LRRTM4: variants seen among roughly 807,000 people sequenced by gnomAD.
LRRTM4 encodes the protein leucine-rich repeat transmembrane neuronal protein 4.
Under a neutral mutation model 47.6 loss-of-function variants are expected in LRRTM4, and 25 were observed. That is an observed-to-expected ratio of 0.53 (90% CI 0.38 to 0.73). The LOEUF is 0.73. LRRTM4 is among the 30% of genes least tolerant of loss of function. The pLI, the probability that LRRTM4 is intolerant of heterozygous loss-of-function variation, is 0.00. For missense variants in LRRTM4, 638 were observed against 713.4 expected (o/e 0.89, Z 1.20); for synonymous variants, 311 against 269.5 (o/e 1.15, Z -1.51).
intron 3 of LRRTM4, among the ~76,000 whole-genome samples, chr2:76,858,495 C>G (rs918686461): frequency 6.6e-6 from 1 of 152,042 alleles, no homozygotes; most frequent in Non-Finnish European, 1.5e-5. Flanking sequence ...CCTAGGTCCT[C>G]GGGGAGGAGT....
chr2:76,782,641 T>G (rs1230477548), intron 3 of LRRTM4, among the ~76,000 whole-genome samples: 1 of 152,194 alleles, frequency 6.6e-6, no homozygotes, highest in Non-Finnish European at 1.5e-5. Flanking sequence ...GGTCTGTGCT[T>G]TTTTGCTTAC....
At chr2:77,058,980 C>T (rs1679697639) in intron 3 of LRRTM4, among the ~76,000 whole-genome samples, 1 of 151,926 alleles carries the variant, frequency 6.6e-6, no homozygotes, top group Non-Finnish European at 1.5e-5. Context: ...TTGAAATAAC[C>T]AATTTCTAAG....
chr2:77,276,441 A>AC (rs1676356518), intron 3 of LRRTM4, among the ~76,000 whole-genome samples: 1 of 150,696 alleles, frequency 6.6e-6, no homozygotes, highest in African/African-American at 2.4e-5. Context: ...AGGAAGAAAA[A>AC]AGAAAGGAAA....
chr2:77,396,984 A>C (rs1052256454), intron 3 of LRRTM4, among the ~76,000 whole-genome samples: 1 of 151,924 alleles, frequency 6.6e-6, no homozygotes, highest in Non-Finnish European at 1.5e-5. Context: ...GCAGCAAGAC[A>C]CGATTAACAG....
chr2:77,278,442 C>G (rs1485539303), intron 3 of LRRTM4, among the ~76,000 whole-genome samples: 1 of 151,722 alleles, frequency 6.6e-6, no homozygotes, highest in Non-Finnish European at 1.5e-5. Flanking sequence ...TTGATCAGTA[C>G]TTTTAAATAT....
intron 3 of LRRTM4, among the ~76,000 whole-genome samples, chr2:77,179,845 CA>C (rs1185368684): frequency 2.0e-5 from 3 of 151,986 alleles, no homozygotes; most frequent in Admixed American, 1.3e-4. Flanking sequence ...CTTTAAATCG[CA>C]AATTTCTCTG....
In LRRTM4 at chr2:77,489,717, C is replaced by T. The variant is rs577893598; in HGVS notation, c.1551+28601G>A. 2.8e-4 allele frequency among the ~76,000 whole-genome samples: 42 copies of T among 152,256 alleles called. No individual in the cohort carries two copies. The South Asian group carries it at 8.5e-3, about 31-fold the overall frequency. On this transcript the variant is annotated intron_variant, in intron 3 of 3. Transcript: ENST00000409884. ...CTGGACAGACCAATGTGACAAAACCCATTATTACAAAACCTAATATTAGAG... is the reference window on the plus strand; with the variant it reads ...CTGGACAGACCAATGTGACAAAACCTATTATTACAAAACCTAATATTAGAG...
At chr2:77,042,767 T>A (rs1679080544) in intron 3 of LRRTM4, among the ~76,000 whole-genome samples, 1 of 151,722 alleles carries the variant, frequency 6.6e-6, no homozygotes, top group African/African-American at 2.4e-5. Context: ...GCTAGAACTG[T>A]GATGGTGTAA....
chr2:76,752,847 C>G (rs192452372), intron 3 of LRRTM4, among the ~76,000 whole-genome samples: 10 of 152,180 alleles, frequency 6.6e-5, no homozygotes, highest in Non-Finnish European at 1.5e-4. Flanking sequence ...GTTCTCAGAG[C>G]CTCTCCAAAT....
intron 3 of LRRTM4, among the ~76,000 whole-genome samples, chr2:77,449,521 A>C (rs113449627): frequency 0.025 from 3,867 of 152,242 alleles, 177 homozygotes; most frequent in African/African-American, 0.089. Context: ...AAGCATTCCC[A>C]AAGTTATAGA....
At chr2:77,086,476 ATTTTTTT>A (rs762359320) in intron 3 of LRRTM4, among the ~76,000 whole-genome samples, 1 of 131,154 alleles carries the variant, frequency 7.6e-6, no homozygotes, top group Admixed American at 7.8e-5. Flanking sequence ...ACATATAATA[ATTTTTTT>A]TTTTTTTTTT....
chr2:77,226,220 G>A (rs185744512), intron 3 of LRRTM4, among the ~76,000 whole-genome samples: 1 of 151,828 alleles, frequency 6.6e-6, no homozygotes, highest in East Asian at 1.9e-4. Flanking sequence ...TTCAAACAAA[G>A]CAGCCTATTA....
chr2:77,370,523 T>A (rs937412243), intron 3 of LRRTM4, among the ~76,000 whole-genome samples: 2 of 151,682 alleles, frequency 1.3e-5, no homozygotes, highest in Non-Finnish European at 3.0e-5. Flanking sequence ...AATGAGAGAA[T>A]ATTTATATGG....
At chr2:77,008,925 T>C (rs942196539) in intron 3 of LRRTM4, 7 of 145,572 alleles carry the variant, frequency 4.8e-5, no homozygotes, top group African/African-American at 1.3e-4. Context: ...TCAAGCCATA[T>C]TGGAGCCAAC....
At chr2:77,463,431 C>T (rs1461635748) in intron 3 of LRRTM4, among the ~76,000 whole-genome samples, 5 of 151,968 alleles carry the variant, frequency 3.3e-5, no homozygotes, top group Non-Finnish European at 7.4e-5. Flanking sequence ...ATTCTTTTTA[C>T]CCAGTAAATC....
intron 3 of LRRTM4, among the ~76,000 whole-genome samples, chr2:77,153,244 AG>A (rs1672476435): frequency 6.6e-6 from 1 of 152,158 alleles, no homozygotes; most frequent in Non-Finnish European, 1.5e-5. Flanking sequence ...TGTACTTAAT[AG>A]TCATCTGTGT....
chr2:77,031,008 A>G (rs1455462660), intron 3 of LRRTM4, among the ~76,000 whole-genome samples: 1 of 152,184 alleles, frequency 6.6e-6, no homozygotes, highest in African/African-American at 2.4e-5. Flanking sequence ...AGTGGGATTT[A>G]TCTTTTTCTT....
intron 3 of LRRTM4, among the ~76,000 whole-genome samples, chr2:77,271,708 G>A (rs1676201995): frequency 1.3e-5 from 2 of 152,154 alleles, no homozygotes; most frequent in Non-Finnish European, 2.9e-5. Flanking sequence ...TCAGATTAAA[G>A]TTTCTATATT....
intron 3 of LRRTM4, among the ~76,000 whole-genome samples, chr2:77,195,577 T>C (rs1051205503): frequency 6.6e-6 from 1 of 152,132 alleles, no homozygotes; most frequent in Non-Finnish European, 1.5e-5. Context: ...TGTAAATATG[T>C]ATAATGGTAA....
Sources: allele counts gnomAD v4.1 joint callset (sites outside exome capture counted in the v4.1 genomes callset), GRCh38; gene constraint gnomAD v4.1.1; transcripts MANE v1.5; gene names NCBI Gene and HGNC (gene_info 2026-07-23, HGNC 2026-07-21).